Variants in PADI6 observed in about 807,000 individuals in gnomAD.
The protein encoded by PADI6 is peptidyl arginine deiminase 6, also known as inactive protein-arginine deiminase type-6.
PADI6 carries 66 observed loss-of-function variants against 78.2 expected under a neutral mutation model. That is an observed-to-expected ratio of 0.84 (90% CI 0.69 to 1.04). PADI6 has a LOEUF of 1.04. Among genes scored for constraint, PADI6 ranks in the 50% least tolerant of loss-of-function variants. The probability of loss-of-function intolerance (pLI) is 0.00; values close to 1 mark genes in which losing one functional copy is unlikely to be tolerated. For missense variants in PADI6, 854 were observed against 866.1 expected (o/e 0.99, Z 0.18); for synonymous variants, 397 against 346.9 (o/e 1.14, Z -1.60).
chr1:17,380,357 G>A (rs1289598020), intron 4 of PADI6, among the ~76,000 whole-genome samples: 1 of 151,228 alleles, frequency 6.6e-6, no homozygotes, highest in Non-Finnish European at 1.5e-5. Context: ...TTACAAGCGT[G>A]TGCCACCACA....
intron 3 of PADI6, among the ~76,000 whole-genome samples, chr1:17,375,930 T>C (rs1341824304): frequency 6.6e-6 from 1 of 152,048 alleles, no homozygotes; most frequent in Non-Finnish European, 1.5e-5. Flanking sequence ...TTCCCCGCCC[T>C]CTAGATCACC....
intron 6 of PADI6, among the ~76,000 whole-genome samples, chr1:17,384,093 A>C (rs1004842053): frequency 7.2e-5 from 11 of 152,028 alleles, no homozygotes; most frequent in Non-Finnish European, 1.3e-4. Context: ...CAGTGAGCCG[A>C]CGTTGCACCA....
Position 17,372,229 on chromosome 1 carries a change from G to T in PADI6, c.-17G>T. ...GAGGCTGCTGTGCTGAGTGAGGGCT[G>T]CGGTGCAGGCCTGAGGATGGTCAGC... On this transcript the variant is annotated 5_prime_UTR_variant, in exon 1 of 16. Coordinates refer to ENST00000619609, the MANE Select transcript of PADI6 (RefSeq NM_207421.4). 6.2e-7 allele frequency: 1 copy of T among 1,610,034 alleles called. No homozygotes were observed. The highest frequency in any genetic ancestry group is 8.5e-7 in the Non-Finnish European group (1 of 1,176,302).
chr1:17,394,533 C>T (rs891517548), intron 11 of PADI6, 79 bp downstream of exon 11: 50 of 1,470,558 alleles, frequency 3.4e-5, no homozygotes, highest in Non-Finnish European at 4.5e-5. Context: ...CTTCCCATAG[C>T]ACCTCAGCAG....
At chr1:17,384,948 G>T (rs1202805636) in intron 6 of PADI6, among the ~76,000 whole-genome samples, 1 of 152,232 alleles carries the variant, frequency 6.6e-6, no homozygotes, top group East Asian at 1.9e-4. Context: ...AGTCGAGCGT[G>T]TCTGAAGCTG....
At position 17,373,245 on chromosome 1, in the gene PADI6, G is replaced by C. The variant is rs774296664; in HGVS notation, c.294+12G>C. ...TGGATGCGGATAAGGTAAGCCTCAG[G>C]GGAAGAGGTGAGGGGCATCTCCCGG... On this transcript the variant is annotated intron_variant, in intron 2 of 15. Transcript: ENST00000619609. The C allele has an allele frequency of 4.3e-6, 7 of 1,612,566 alleles. No individual in the cohort carries two copies. Among genetic ancestry groups the C allele is most frequent in the Non-Finnish European group, 5.9e-6 (7 of 1,178,846 alleles).
At position 17,401,323 on chromosome 1, in the gene PADI6, A is replaced by G. The variant is rs914891664; in HGVS notation, c.1970A>G (p.Lys657Arg). 6.2e-7 allele frequency: 1 copy of G among 1,614,084 alleles called. No homozygotes were observed. Among genetic ancestry groups the G allele is most frequent in the Admixed American group, 1.7e-5 (1 of 60,034 alleles). The part of the protein sequence containing the change: ...ICCLLEPLGF[K>R]CTFINDFDCY... The stretch of plus-strand genomic sequence containing the variant: ...TGCTTGCTGGAGCCCCTGGGCTTCA[A>G]GTGCACCTTCATCAATGACTTTGAC... The change falls in exon 16 of 16, where the codon AAG (lysine) becomes AGG (arginine). Residue 657 changes from lysine (K) to arginine (R), a missense_variant. Lys to Arg is a conservative substitution (Grantham distance 26). Coordinates refer to ENST00000619609, the MANE Select transcript of PADI6 (RefSeq NM_207421.4).
rs1188876892 is a variant in PADI6 at position 17,401,588 on chromosome 1, CA to C, written c.*151del. 1.4e-6 allele frequency: 1 copy of C among 712,892 alleles called. No homozygotes were observed. The highest frequency in any genetic ancestry group is 2.3e-6 in the Non-Finnish European group (1 of 438,680). The allele number at this position is 712,892 out of a possible 1,614,324, so 44.2% of individuals were successfully genotyped here. A position where few individuals can be genotyped will look rare whatever the true frequency, so the allele number is the denominator to read the frequency against. On this transcript the variant is annotated 3_prime_UTR_variant, in exon 16 of 16. Coordinates refer to ENST00000619609, the MANE Select transcript of PADI6 (RefSeq NM_207421.4). ...GTCTGCCCCGACCGACCCTCGGACC[CA>C]GTAGGATGGCAAATGCCGCCAGCTT...
At position 17,395,108 on chromosome 1, in the gene PADI6, G is replaced by A. The variant is rs188707261; in HGVS notation, c.1494+1G>A. 1.2e-6 allele frequency: 2 copies of A among 1,613,562 alleles called. No homozygotes were observed. Among genetic ancestry groups the A allele is most frequent in the Non-Finnish European group, 1.7e-6 (2 of 1,179,688 alleles). On this transcript the variant is annotated splice_donor_variant, in intron 12 of 15. Transcript: ENST00000619609. LOFTEE classifies it high-confidence loss of function. ...AGATGACAAGAATGAGGGCAAAAAG[G>A]TCTGCTTTGGGGTCTGGAGAAGGGA...
Position 17,375,450 on chromosome 1 carries a change from C to G in PADI6, c.318C>G (p.Pro106=). 1 of 1,611,716 alleles carries G rather than the reference C, an allele frequency of 6.2e-7. No individual in the cohort carries two copies. Among genetic ancestry groups the G allele is most frequent in the Non-Finnish European group, 8.5e-7 (1 of 1,179,074 alleles). ...ADKVSVTYYG[P]NEDAPVGTAV... ...AGGTCTCGGTCACATACTATGGGCC[C>G]AACGAGGATGCCCCCGTGGGCACAG... Residue 106 remains proline, a synonymous_variant, in exon 3 of 16, where the codon CCC becomes CCG. Coordinates refer to ENST00000619609, the MANE Select transcript of PADI6 (RefSeq NM_207421.4).
At chr1:17,400,092 C>G (rs560403625) in intron 15 of PADI6, among the ~76,000 whole-genome samples, 191 of 152,000 alleles carry the variant, frequency 1.3e-3, no homozygotes, top group African/African-American at 4.4e-3. Flanking sequence ...CCTGTAGTCT[C>G]AGCCACTCAG....
rs772748203 is a variant in PADI6, at chr1:17,388,790, CTG to C, written c.875_876del (p.Val292AlafsTer45). The C allele has an allele frequency of 9.9e-6, 16 of 1,613,402 alleles. No homozygotes were observed. Among genetic ancestry groups the C allele is most frequent in the South Asian group, 2.2e-5 (2 of 90,912 alleles). On this transcript the variant is annotated frameshift_variant, in exon 8 of 16. Coordinates refer to ENST00000619609, the MANE Select transcript of PADI6 (RefSeq NM_207421.4). LOFTEE classifies it high-confidence loss of function. Reference sequence around the variant, plus strand: ...GTCTTGTTGCAGTCAATTCCAGAGACTGTGCTGTACAAAGACACGGTGGTGTT... The same window carrying C: ...GTCTTGTTGCAGTCAATTCCAGAGACTGCTGTACAAAGACACGGTGGTGTT...
chr1:17,390,936 A>C (rs1209056561), intron 8 of PADI6, among the ~76,000 whole-genome samples: 1 of 152,170 alleles, frequency 6.6e-6, no homozygotes, highest in Non-Finnish European at 1.5e-5. Context: ...TGCAAGACTG[A>C]GCCGACACAC....
At chr1:17,380,012 A>G in intron 4 of PADI6, 25 bp downstream of exon 4, 1 of 1,612,316 alleles carries the variant, frequency 6.2e-7, no homozygotes, top group Non-Finnish European at 8.5e-7. Context: ...AAAAGGGGGC[A>G]GGGAAGGGGC....
intron 8 of PADI6, among the ~76,000 whole-genome samples, chr1:17,389,405 G>T (rs113268133): frequency 1.6e-3 from 241 of 152,290 alleles, no homozygotes; most frequent in African/African-American, 5.5e-3. Context: ...AGGGGCCCTG[G>T]TTCCTTTCAG....
chr1:17,401,062 C>A lies in PADI6; in HGVS notation c.1852-143C>A. ...GAGAAACAGCCATTGTAGGGCTAAG[C>A]AAAAGTGAGCTGGGTTTCACTGACC... On this transcript the variant is annotated intron_variant, in intron 15 of 15. Coordinates refer to ENST00000619609, the MANE Select transcript of PADI6 (RefSeq NM_207421.4). The A allele has an allele frequency of 4.4e-6, 3 of 686,238 alleles. No individual in the cohort carries two copies. The South Asian group carries it at 5.7e-5, about 13-fold the overall frequency. The allele number at this position is 686,238 out of a possible 1,614,324, so 42.5% of individuals were successfully genotyped here.
rs1038302658 is a variant in PADI6, at chr1:17,394,808, G to A, written c.1338-143G>A. The A allele has an allele frequency of 3.3e-5, 34 of 1,018,880 alleles. No individual in the cohort carries two copies. The East Asian group carries it at 3.4e-4, about 10-fold the overall frequency. The allele number at this position is 1,018,880 out of a possible 1,614,324, so 63.1% of individuals were successfully genotyped here. A position where few individuals can be genotyped will look rare whatever the true frequency, so the allele number is the denominator to read the frequency against. On this transcript the variant is annotated intron_variant, in intron 11 of 15. Transcript: ENST00000619609. ...TGAGTGGGGTCAGAGTAAGGGATTCGTAACCAACACATCCGCTATGGACCG... is the reference window on the plus strand; with the variant it reads ...TGAGTGGGGTCAGAGTAAGGGATTCATAACCAACACATCCGCTATGGACCG...
Position 17,373,126 on chromosome 1 carries a change from A to T in PADI6, c.187A>T (p.Thr63Ser). ...SGRVLIDVAN[T>S]VISEKEDATI... ...GAGGGTCTTGATCGATGTGGCCAACACGGTGATTTCTGAGAAGGAGGACGC... is the reference window on the plus strand; with the variant it reads ...GAGGGTCTTGATCGATGTGGCCAACTCGGTGATTTCTGAGAAGGAGGACGC... Residue 63 changes from threonine (T) to serine (S), a missense_variant, in exon 2 of 16, where the codon ACG becomes TCG. By Grantham distance (58) the Thr-to-Ser change is moderately conservative. Transcript: ENST00000619609. 6.2e-7 allele frequency: 1 copy of T among 1,614,008 alleles called. No individual in the cohort carries two copies. The highest frequency in any genetic ancestry group is 1.1e-5 in the South Asian group (1 of 91,080).
At position 17,398,758 on chromosome 1, in the gene PADI6, C is replaced by T; in HGVS notation, c.1762C>T (p.Pro588Ser). ...GGTGGAACAGGACATCATCGAGATTCCCCAGCTGTTCTGCTTGGAGAAGCT... is the reference window on the plus strand; with the variant it reads ...GGTGGAACAGGACATCATCGAGATTTCCCAGCTGTTCTGCTTGGAGAAGCT... ...GLVEQDIIEIPQLFCLEKLTN... is the reference protein window; with the variant it reads ...GLVEQDIIEISQLFCLEKLTN... Residue 588 changes from proline (P) to serine (S), a missense_variant, in exon 15 of 16, where the codon CCC (proline) becomes TCC (serine). By Grantham distance (74) the Pro-to-Ser change is moderately conservative. Coordinates refer to ENST00000619609, the MANE Select transcript of PADI6 (RefSeq NM_207421.4). 1 of 1,608,834 alleles carries T rather than the reference C, an allele frequency of 6.2e-7. No homozygotes were observed. The highest frequency in any genetic ancestry group is 1.4e-5 in the African/African-American group (1 of 73,810).
Sources: gnomAD v4.1 joint callset for allele counts (sites outside exome capture counted in the v4.1 genomes callset) on GRCh38, gnomAD v4.1.1 for gene constraint, MANE v1.5 for transcripts, NCBI Gene and HGNC (gene_info 2026-07-23, HGNC 2026-07-21) for gene names.